The following UNC13C variants were observed in gnomAD, a reference collection of about 807,000 sequenced individuals.
UNC13C encodes the protein protein unc-13 homolog C.
Under a neutral mutation model 245.4 loss-of-function variants are expected in UNC13C, and 174 were observed. The ratio of observed to expected loss-of-function variants is 0.71; its 90% CI spans 0.63 to 0.80. The LOEUF (loss-of-function observed/expected upper bound fraction) is 0.80, where lower values mean the gene tolerates loss of function less well. Ranked by LOEUF, UNC13C falls within the 30% of genes least tolerant of loss-of-function variation. UNC13C has a pLI of 0.00. For synonymous variants in UNC13C, 992 were observed against 895.1 expected (o/e 1.11, Z -1.93); for missense variants, 2,829 against 2,602.9 (o/e 1.09, Z -1.89).
intron 4 of UNC13C, among the ~76,000 whole-genome samples, chr15:54,162,015 G>A (rs2032997616): frequency 6.6e-6 from 1 of 152,120 alleles, no homozygotes; most frequent in South Asian, 2.1e-4. Flanking sequence ...TTTTGCTGAA[G>A]CACAAATTTA....
chr15:54,124,882 T>C lies in UNC13C; in HGVS notation c.2984-18136T>C, dbSNP rs867206921. On this transcript the variant is annotated intron_variant, in intron 2 of 32. Coordinates refer to ENST00000260323, the MANE Select transcript of UNC13C (RefSeq NM_001080534.3). ...AATATCCAATTGCTCAAGCACTAGT[T>C]GTTGAAAAGTTTATCTTCCATTGAA... 5.3e-5 allele frequency among the ~76,000 whole-genome samples: 8 copies of C among 152,318 alleles called. 1 individual carries two copies. Among genetic ancestry groups the C allele is most frequent in the South Asian group, 2.1e-4 (1 of 4,830 alleles).
chr15:54,514,017 G>T (rs1044526472), intron 24 of UNC13C, among the ~76,000 whole-genome samples: 11 of 152,088 alleles, frequency 7.2e-5, no homozygotes, highest in African/African-American at 2.4e-4. Context: ...TGCATCATGT[G>T]TCCTCCCAGA....
At chr15:54,495,278 A>G (rs892879560) in intron 20 of UNC13C, among the ~76,000 whole-genome samples, 2 of 152,070 alleles carry the variant, frequency 1.3e-5, no homozygotes, top group African/African-American at 4.8e-5. Context: ...TCCCTATGGC[A>G]GGCACTTTCC....
At chr15:54,592,709 G>A (rs1898860501) in intron 30 of UNC13C, among the ~76,000 whole-genome samples, 3 of 152,112 alleles carry the variant, frequency 2.0e-5, no homozygotes, top group African/African-American at 4.8e-5. Context: ...GCCTCCTGAA[G>A]GCAGCAGATA....
chr15:54,199,357 T>C (rs999839387), intron 4 of UNC13C, among the ~76,000 whole-genome samples: 21 of 152,174 alleles, frequency 1.4e-4, no homozygotes, highest in African/African-American at 4.8e-4. Context: ...GGGAAATTCA[T>C]TGTAAAATGA....
intron 4 of UNC13C, among the ~76,000 whole-genome samples, chr15:54,215,702 G>A (rs113007884): frequency 0.039 from 5,973 of 151,920 alleles, 131 homozygotes; most frequent in Non-Finnish European, 0.047. Flanking sequence ...GTGGCATGGA[G>A]GGATTGAGAA....
At chr15:54,222,330 A>G (rs1462799702) in intron 4 of UNC13C, among the ~76,000 whole-genome samples, 2 of 151,828 alleles carry the variant, frequency 1.3e-5, no homozygotes, top group African/African-American at 2.4e-5. Context: ...AGCTCCTACC[A>G]GTAAGTGAGC....
At chr15:53,841,255 C>A in the UNC13C span, among the ~76,000 whole-genome samples, 1 of 152,052 alleles carries the variant, frequency 6.6e-6, no homozygotes, top group Non-Finnish European at 1.5e-5. Flanking sequence ...ATTGGTGGAG[C>A]TAGGATTTAA....
At chr15:54,343,412 C>T (rs1027716579) in intron 17 of UNC13C, among the ~76,000 whole-genome samples, 4 of 151,926 alleles carry the variant, frequency 2.6e-5, no homozygotes, top group African/African-American at 7.3e-5. Context: ...CGATTACAGG[C>T]GTGAGCCACC....
chr15:54,057,620 A>G (rs1170225415), intron 2 of UNC13C, among the ~76,000 whole-genome samples: 1 of 152,234 alleles, frequency 6.6e-6, no homozygotes, highest in Non-Finnish European at 1.5e-5. Flanking sequence ...CCTAATAGAC[A>G]TCTACAGAGC....
chr15:54,259,629 G>A (rs189425188), intron 8 of UNC13C, among the ~76,000 whole-genome samples: 10 of 152,306 alleles, frequency 6.6e-5, no homozygotes, highest in African/African-American at 1.9e-4. Flanking sequence ...AGATTTGGGC[G>A]AGGACACAGC....
intron 14 of UNC13C, among the ~76,000 whole-genome samples, chr15:54,328,127 G>A (rs151122023): frequency 6.4e-4 from 97 of 152,086 alleles, no homozygotes; most frequent in East Asian, 2.5e-3. Context: ...CCTGTGAAGC[G>A]ACTCTTTAAA....
intron 30 of UNC13C, among the ~76,000 whole-genome samples, chr15:54,586,487 C>G (rs1015703756): frequency 6.6e-6 from 1 of 152,176 alleles, no homozygotes; most frequent in Non-Finnish European, 1.5e-5. Context: ...ATCTCTTCCT[C>G]CTCTTAAAAG....
intron 2 of UNC13C, among the ~76,000 whole-genome samples, chr15:54,057,969 G>C (rs952758681): frequency 8.5e-5 from 13 of 152,154 alleles, no homozygotes; most frequent in Non-Finnish European, 1.6e-4. Context: ...GCAGTGTGTA[G>C]AGGGAAATTT....
At chr15:54,297,741 T>A (rs562823323) in intron 11 of UNC13C, 70 bp from the exon 12 acceptor site, 1 of 1,184,118 alleles carries the variant, frequency 8.4e-7, no homozygotes, top group Non-Finnish European at 1.2e-6. Flanking sequence ...GTTTTTTAGC[T>A]TTTGAGAGGT....
intron 30 of UNC13C, among the ~76,000 whole-genome samples, chr15:54,612,329 C>T (rs1175962755): frequency 6.6e-6 from 1 of 151,882 alleles, no homozygotes; most frequent in Non-Finnish European, 1.5e-5. Flanking sequence ...TCCACATGAA[C>T]CAGTTAAATT....
chr15:53,890,314 T>C, the UNC13C span, among the ~76,000 whole-genome samples: 7 of 152,126 alleles, frequency 4.6e-5, no homozygotes, highest in African/African-American at 1.7e-4. Flanking sequence ...GCTAATTTTT[T>C]GTATTTTTAG....
At chr15:54,481,853 G>A (rs576131416) in intron 19 of UNC13C, among the ~76,000 whole-genome samples, 18 of 152,236 alleles carry the variant, frequency 1.2e-4, no homozygotes, top group African/African-American at 3.9e-4. Context: ...CAGGCCTCCA[G>A]ATGACCTGTG....
chr15:54,088,847 G>C (rs76029011), intron 2 of UNC13C, among the ~76,000 whole-genome samples: 4,355 of 152,278 alleles, frequency 0.029, 138 homozygotes, highest in South Asian at 0.14. Flanking sequence ...CTTTCTTCCA[G>C]TGATGCAGGA....
Sources: allele counts gnomAD v4.1 joint callset (sites outside exome capture counted in the v4.1 genomes callset), GRCh38; gene constraint gnomAD v4.1.1; transcripts MANE v1.5; gene names NCBI Gene and HGNC (gene_info 2026-07-23, HGNC 2026-07-21).